SRGAP3: variants seen among roughly 807,000 people sequenced by gnomAD.
The protein encoded by SRGAP3 is SLIT-ROBO Rho GTPase-activating protein 3.
A neutral mutation model predicts 121.1 loss-of-function variants in SRGAP3; 39 were observed. The ratio of observed to expected loss-of-function variants is 0.32; its 90% CI spans 0.25 to 0.42. The LOEUF (loss-of-function observed/expected upper bound fraction) is 0.42, where lower values mean the gene tolerates loss of function less well. Ranked by LOEUF, SRGAP3 falls within the 10% of genes least tolerant of loss-of-function variation. The pLI is 1.00. For synonymous variants in SRGAP3, 601 were observed against 570.0 expected, an observed-to-expected ratio of 1.05 and a Z score of -0.77; for missense variants, 1,213 against 1,470.6, an observed-to-expected ratio of 0.82 and a Z score of 2.86.
At chr3:9,326,967 T>C (rs1955530910) in intron 2 of SRGAP3, among the ~76,000 whole-genome samples, 1 of 151,854 alleles carries the variant, frequency 6.6e-6, no homozygotes, top group Non-Finnish European at 1.5e-5. Flanking sequence ...CTGTCTCCTT[T>C]CTTTCCCTTC....
At chr3:9,163,048 TA>T (rs1296068457) in intron 1 of SRGAP3, among the ~76,000 whole-genome samples, 10 of 152,216 alleles carry the variant, frequency 6.6e-5, no homozygotes, top group Admixed American at 4.6e-4. Context: ...ACCTGCTTCT[TA>T]GGTGATTATG....
intron 1 of SRGAP3, among the ~76,000 whole-genome samples, chr3:9,238,424 T>C (rs1430303393): frequency 6.6e-6 from 1 of 151,968 alleles, no homozygotes; most frequent in African/African-American, 2.4e-5. Flanking sequence ...AGAAAGAACG[T>C]GAGATTTATG....
At chr3:9,205,666 G>A (rs1404664454) in intron 1 of SRGAP3, among the ~76,000 whole-genome samples, 1 of 152,320 alleles carries the variant, frequency 6.6e-6, no homozygotes, top group East Asian at 1.9e-4. Context: ...GCAAAAGTAA[G>A]TCCAGTGCTT....
At chr3:9,018,077 T>C (rs1943728236) in intron 14 of SRGAP3, among the ~76,000 whole-genome samples, 1 of 152,214 alleles carries the variant, frequency 6.6e-6, no homozygotes, top group African/African-American at 2.4e-5. Context: ...GTGTTCTAGT[T>C]CCCACACAGG....
intron 10 of SRGAP3, among the ~76,000 whole-genome samples, chr3:9,043,565 T>C (rs1945119533): frequency 6.6e-6 from 1 of 152,024 alleles, no homozygotes; most frequent in Non-Finnish European, 1.5e-5. Context: ...ATGCTGTCTT[T>C]CAGCTTCAGA....
intron 1 of SRGAP3, among the ~76,000 whole-genome samples, chr3:9,357,081 G>A (rs1168361326): frequency 6.6e-6 from 1 of 151,734 alleles, no homozygotes; most frequent in Non-Finnish European, 1.5e-5. Flanking sequence ...TGGGCAACAT[G>A]GCAAAACCCC....
chr3:9,030,915 G>A (rs1300293064), intron 12 of SRGAP3, among the ~76,000 whole-genome samples: 1 of 151,806 alleles, frequency 6.6e-6, no homozygotes, highest in Non-Finnish European at 1.5e-5. Flanking sequence ...GAAGCCTACT[G>A]TGCTTGAGCT....
intron 1 of SRGAP3, among the ~76,000 whole-genome samples, chr3:9,196,046 G>A (rs1255174943): frequency 2.0e-5 from 3 of 152,220 alleles, no homozygotes; most frequent in Non-Finnish European, 4.4e-5. Context: ...GATCATTGTG[G>A]CTTTGGAGGA....
chr3:9,221,018 G>A (rs545620672), intron 1 of SRGAP3, among the ~76,000 whole-genome samples: 14 of 152,280 alleles, frequency 9.2e-5, no homozygotes, highest in African/African-American at 3.4e-4. Context: ...CAGTGCCTGA[G>A]TCTTATTCCT....
At position 9,053,168 on chromosome 3, in the gene SRGAP3, C is replaced by T. The variant is rs377460129; in HGVS notation, c.1182G>A (p.Glu394=). ...GGAAGGCATCGGAGACATCAAAGTC[C>T]TCCACAGTCAGCATGTCCTGTAATG... ...MQTLQDMLTV[E]DFDVSDAFQH... The change falls in exon 9 of 22, where the codon GAG becomes GAA. Residue 394 remains glutamate, a synonymous_variant. Transcript: ENST00000383836. 1 of 1,614,198 alleles carries T rather than the reference C, an allele frequency of 6.2e-7. No individual in the cohort carries two copies. Among genetic ancestry groups the T allele is most frequent in the Non-Finnish European group, 8.5e-7 (1 of 1,180,036 alleles).
intron 3 of SRGAP3, among the ~76,000 whole-genome samples, chr3:9,324,051 GA>G (rs1321934596): frequency 3.3e-5 from 5 of 151,866 alleles, no homozygotes; most frequent in African/African-American, 1.2e-4. Context: ...GTGAGGTACT[GA>G]AACAGTGAGG....
chr3:9,259,614 T>C (rs1954210820), intron 3 of SRGAP3, among the ~76,000 whole-genome samples: 1 of 152,084 alleles, frequency 6.6e-6, no homozygotes, highest in South Asian at 2.1e-4. Context: ...AGCTACATAT[T>C]TGTTTGTTCA....
intron 1 of SRGAP3, among the ~76,000 whole-genome samples, chr3:9,163,888 T>TA (rs942481152): frequency 4.8e-4 from 73 of 151,892 alleles, no homozygotes; most frequent in African/African-American, 1.7e-3. Context: ...TGGGACTTAG[T>TA]ACCCATTGTT....
At chr3:9,339,834 A>G (rs1050935990) in intron 1 of SRGAP3, among the ~76,000 whole-genome samples, 1 of 152,188 alleles carries the variant, frequency 6.6e-6, no homozygotes, top group Non-Finnish European at 1.5e-5. Flanking sequence ...ATGATGCAGG[A>G]AGGCTAATGG....
At chr3:9,097,661 G>A (rs1168413494) in intron 3 of SRGAP3, among the ~76,000 whole-genome samples, 1 of 152,186 alleles carries the variant, frequency 6.6e-6, no homozygotes, top group Non-Finnish European at 1.5e-5. Flanking sequence ...TTCGGGCCTG[G>A]GGAACGTATT....
intron 1 of SRGAP3, among the ~76,000 whole-genome samples, chr3:9,158,535 G>A (rs186668234): frequency 6.6e-6 from 1 of 152,186 alleles, no homozygotes; most frequent in African/African-American, 2.4e-5. Context: ...AAATACCCCC[G>A]GTATTCATTC....
chr3:9,352,868 C>T (rs543763280), intron 1 of SRGAP3, among the ~76,000 whole-genome samples: 2 of 152,228 alleles, frequency 1.3e-5, no homozygotes, highest in Non-Finnish European at 2.9e-5. Context: ...AAAACTCTGC[C>T]TCAACTGAGT....
intron 1 of SRGAP3, among the ~76,000 whole-genome samples, chr3:9,148,367 G>A (rs1950095787): frequency 6.6e-6 from 1 of 152,204 alleles, no homozygotes; most frequent in African/African-American, 2.4e-5. Context: ...GCCTCATGGT[G>A]TCATGCAGGA....
At chr3:9,006,398 CAA>C (rs71049762) in intron 18 of SRGAP3, among the ~76,000 whole-genome samples, 27 of 122,928 alleles carry the variant, frequency 2.2e-4, no homozygotes, top group African/African-American at 2.1e-4. Flanking sequence ...GACTCTGTCT[CAA>C]AAAAAAAAAA....
Sources: allele counts gnomAD v4.1 joint callset (sites outside exome capture counted in the v4.1 genomes callset), GRCh38; gene constraint gnomAD v4.1.1; transcripts MANE v1.5; gene names NCBI Gene and HGNC (gene_info 2026-07-23, HGNC 2026-07-21).